Variants in COL5A1 observed in about 807,000 individuals in gnomAD.
COL5A1 encodes collagen type V alpha 1 chain.
A neutral mutation model predicts 263.7 loss-of-function variants in COL5A1; 16 were observed. The observed-to-expected ratio is 0.06, with a 90% confidence interval of 0.04 to 0.09. The LOEUF (loss-of-function observed/expected upper bound fraction) is 0.09. COL5A1 is among the 10% of genes least tolerant of loss of function. The probability of loss-of-function intolerance (pLI) is 1.00; values close to 1 mark genes in which losing one functional copy is unlikely to be tolerated. For missense variants in COL5A1, 2,036 were observed against 2,540.5 expected (o/e 0.80, Z 4.27); for synonymous variants, 1,012 against 1,004.5 (o/e 1.01, Z -0.14).
intron 58 of COL5A1, among the ~76,000 whole-genome samples, chr9:134,820,977 C>A: frequency 6.6e-6 from 1 of 152,154 alleles, no homozygotes. Context: ...GCAGGCAGAG[C>A]CCCTGGAGGC....
chr9:134,821,670 C>A lies in COL5A1; in HGVS notation c.4555-427C>A, dbSNP rs1052282925. Among the ~76,000 whole-genome samples the A allele has an allele frequency of 5.3e-5, 8 of 152,202 alleles. No individual in the cohort carries two copies. The highest frequency in any genetic ancestry group is 1.9e-4 in the African/African-American group (8 of 41,440). On this transcript the variant is annotated intron_variant, in intron 58 of 65. Coordinates refer to ENST00000371817, the MANE Select transcript of COL5A1 (RefSeq NM_000093.5). This position sits in a 1 kb window ranked among gnomAD's most constrained non-coding sequence, Gnocchi z 4.2. ...CAGGACAGTCAGCATGGATGGGACT[C>A]CCTGCCCAACCCCTCCGGGCTTAGT...
intron 24 of COL5A1, among the ~76,000 whole-genome samples, chr9:134,767,865 A>G (rs1288221252): frequency 2.0e-5 from 3 of 152,200 alleles, no homozygotes; most frequent in Non-Finnish European, 4.4e-5. Context: ...TGCGATCAGC[A>G]AAAACACCTC....
At chr9:134,701,441 C>A in intron 4 of COL5A1, 108 bp downstream of exon 4, 1 of 1,078,706 alleles carries the variant, frequency 9.3e-7, no homozygotes, top group South Asian at 1.3e-5. Flanking sequence ...GGCTGGCGGT[C>A]CACTGTGGTC....
In COL5A1 at chr9:134,724,103, A is replaced by C. The variant is rs1588472708; in HGVS notation, c.655-3163A>C. ...GTGGCCTCTTCCCTGCCACCCTCTCACACCTGCTGTTGGGCCCCCACCCTG... is the reference window on the plus strand; with the variant it reads ...GTGGCCTCTTCCCTGCCACCCTCTCCCACCTGCTGTTGGGCCCCCACCCTG... On this transcript the variant is annotated intron_variant, in intron 4 of 65. Coordinates refer to ENST00000371817, the MANE Select transcript of COL5A1 (RefSeq NM_000093.5). 2.6e-5 allele frequency among the ~76,000 whole-genome samples: 4 copies of C among 151,184 alleles called. No homozygotes were observed. The East Asian group carries it at 7.8e-4, about 29-fold the overall frequency.
chr9:134,830,622 CTGCTCAG>C (rs1839575549), intron 64 of COL5A1, among the ~76,000 whole-genome samples: 1 of 152,246 alleles, frequency 6.6e-6, no homozygotes, highest in Admixed American at 6.5e-5. Flanking sequence ...CTCTCCCCAG[CTGCTCAG>C]GGCTGAGGGC....
intron 28 of COL5A1, among the ~76,000 whole-genome samples, chr9:134,780,742 C>G (rs945142274): frequency 6.6e-6 from 1 of 152,226 alleles, no homozygotes; most frequent in Non-Finnish European, 1.5e-5. Flanking sequence ...CAGCCTGCAG[C>G]GGCGACAGCC....
At chr9:134,791,396 G>A (rs982812134) in intron 32 of COL5A1, among the ~76,000 whole-genome samples, 4 of 152,218 alleles carry the variant, frequency 2.6e-5, no homozygotes, top group African/African-American at 9.6e-5. Flanking sequence ...AGAGCCTCCC[G>A]TTCAGGACAC....
chr9:134,790,647 C>CATCT (rs1554800565), intron 32 of COL5A1, among the ~76,000 whole-genome samples: 5 of 140,018 alleles, frequency 3.6e-5, no homozygotes, highest in African/African-American at 1.3e-4. Flanking sequence ...TCCATCCATC[C>CATCT]ATCTTCTATT....
intron 29 of COL5A1, among the ~76,000 whole-genome samples, chr9:134,783,249 C>T (rs940556175): frequency 1.3e-5 from 2 of 152,222 alleles, no homozygotes; most frequent in African/African-American, 4.8e-5. Context: ...GGGACTCCCA[C>T]ACAGTCCTGT....
rs1329108567 is a variant in COL5A1, at chr9:134,686,008, T to TCATC, written c.110-4892_110-4889dup. 6.6e-6 allele frequency among the ~76,000 whole-genome samples: 1 copy of TCATC among 151,194 alleles called. No homozygotes were observed. Among genetic ancestry groups the TCATC allele is most frequent in the Middle Eastern group, 3.5e-3 (1 of 288 alleles). On this transcript the variant is annotated intron_variant, in intron 1 of 65. Transcript: ENST00000371817. This position sits in a 1 kb window ranked among gnomAD's most constrained non-coding sequence, Gnocchi z 4.6. ...TCCATCCACCCACCCATCCATCCAT[T>TCATC]CATCCATCCATCCATTCATCCATCT...
intron 63 of COL5A1, among the ~76,000 whole-genome samples, chr9:134,826,548 G>A (rs1243113002): frequency 6.9e-6 from 1 of 144,584 alleles, no homozygotes; most frequent in Non-Finnish European, 1.5e-5. Flanking sequence ...GGATGGGTGT[G>A]TGAATGGTGT....
chr9:134,696,232 G>A lies in COL5A1; in HGVS notation c.278-3677G>A, dbSNP rs528530408. The stretch of plus-strand genomic sequence containing the variant: ...TCTGTCGCCCAGGCTGGAGTGCAGT[G>A]GTGTAATCTTGGCTCACGGCAACCT... On this transcript the variant is annotated intron_variant, in intron 2 of 65. Coordinates refer to ENST00000371817, the MANE Select transcript of COL5A1 (RefSeq NM_000093.5). This position sits in a 1 kb window ranked among gnomAD's most constrained non-coding sequence, Gnocchi z 4.3. 6.6e-6 allele frequency among the ~76,000 whole-genome samples: 1 copy of A among 152,114 alleles called. No homozygotes were observed. Among genetic ancestry groups the A allele is most frequent in the African/African-American group, 2.4e-5 (1 of 41,424 alleles).
At chr9:134,714,879 G>A (rs1272533597) in intron 4 of COL5A1, among the ~76,000 whole-genome samples, 1 of 149,784 alleles carries the variant, frequency 6.7e-6, no homozygotes, top group Non-Finnish European at 1.5e-5. Flanking sequence ...TGGTAGTGGT[G>A]GTGATGCTGG....
rs944764795 is a variant in COL5A1 at position 134,742,508 on chromosome 9, C to T, written c.1494+3700C>T. 5.3e-5 allele frequency among the ~76,000 whole-genome samples: 8 copies of T among 152,104 alleles called. No individual in the cohort carries two copies. Among genetic ancestry groups the T allele is most frequent in the African/African-American group, 1.2e-4 (5 of 41,422 alleles). ...GTGCACAGCTGGGGCAATGTGCCCG[C>T]AGGGAGATAGAGGTAGACCTGGGGT... On this transcript the variant is annotated intron_variant, in intron 11 of 65. Transcript: ENST00000371817. The surrounding 1 kb of genome is among the most constrained non-coding windows in gnomAD (Gnocchi z 4.6).
At chr9:134,694,656 C>G (rs1833397775) in intron 2 of COL5A1, among the ~76,000 whole-genome samples, 1 of 152,202 alleles carries the variant, frequency 6.6e-6, no homozygotes, top group African/African-American at 2.4e-5. Flanking sequence ...GGAGCTCAAC[C>G]CTGAGCCACG....
chr9:134,674,378 C>T (rs947862573), intron 1 of COL5A1, among the ~76,000 whole-genome samples: 2 of 151,992 alleles, frequency 1.3e-5, no homozygotes, highest in African/African-American at 2.4e-5. Flanking sequence ...GAAGCAGACA[C>T]GAAAGACGCA....
At chr9:134,804,648 G>A (rs1838230402) in intron 39 of COL5A1, among the ~76,000 whole-genome samples, 1 of 152,362 alleles carries the variant, frequency 6.6e-6, no homozygotes, top group South Asian at 2.1e-4. Flanking sequence ...TGGCTTCCAG[G>A]TGGAGGCTCA....
intron 27 of COL5A1, among the ~76,000 whole-genome samples, chr9:134,776,177 C>T (rs1480277913): frequency 6.6e-6 from 1 of 152,122 alleles, no homozygotes; most frequent in Non-Finnish European, 1.5e-5. Flanking sequence ...TTAGGCGAGT[C>T]AGGTTTTTCC....
rs1838818747 is a variant in COL5A1, at chr9:134,817,770, T to A, written c.4177-8T>A. 1.9e-6 allele frequency: 3 copies of A among 1,611,578 alleles called. No homozygotes were observed. The highest frequency in any genetic ancestry group is 1.7e-6 in the Non-Finnish European group (2 of 1,179,074). ...ACTCACCACCTGCTGTTCTCTTGCT[T>A]CTTTCAGGGTCCCCCAGGCCCCGCA... On this transcript the variant is annotated splice_polypyrimidine_tract_variant and splice_region_variant and intron_variant, in intron 53 of 65. Transcript: ENST00000371817.
Sources: gnomAD v4.1 joint callset for allele counts (sites outside exome capture counted in the v4.1 genomes callset) on GRCh38, gnomAD v4.1.1 for gene constraint, Gnocchi (gnomAD v3.1) non-coding constraint, MANE v1.5 for transcripts, NCBI Gene and HGNC (gene_info 2026-07-23, HGNC 2026-07-21) for gene names.